The following KMT2E variants were observed in gnomAD, a reference collection of about 807,000 sequenced individuals.
The protein encoded by KMT2E is lysine methyltransferase 2E (inactive).
Under a neutral mutation model 184.6 loss-of-function variants are expected in KMT2E, and 30 were observed. The observed-to-expected ratio is 0.16, with a 90% CI of 0.12 to 0.22. KMT2E has a LOEUF of 0.22. Among genes scored for constraint, KMT2E ranks in the 10% least tolerant of loss-of-function variants. The pLI is 1.00. For missense variants in KMT2E, 2,023 were observed against 2,237.4 expected (o/e 0.90, Z 1.93); for synonymous variants, 815 against 776.5 (o/e 1.05, Z -0.82).
At chr7:105,023,101 T>C (rs1011879214) in intron 1 of KMT2E, among the ~76,000 whole-genome samples, 1 of 152,130 alleles carries the variant, frequency 6.6e-6, no homozygotes, top group Non-Finnish European at 1.5e-5. Flanking sequence ...TATTGCTAAA[T>C]GAGTCTTGAG....
chr7:105,065,782 A>G (rs947343570), intron 5 of KMT2E, among the ~76,000 whole-genome samples: 1 of 152,068 alleles, frequency 6.6e-6, no homozygotes, highest in Non-Finnish European at 1.5e-5. Context: ...AAAGCAAACC[A>G]TGGATAAGGG....
In KMT2E at chr7:105,106,343, G is replaced by C. The variant is rs573771771; in HGVS notation, c.2597-179G>C. 2.6e-4 allele frequency among the ~76,000 whole-genome samples: 40 copies of C among 152,206 alleles called. No individual in the cohort carries two copies. In the South Asian group the frequency reaches 3.5e-3, roughly 13 times the overall value. On this transcript the variant is annotated intron_variant, in intron 19 of 26. Transcript: ENST00000311117. ...AGGCAAGGTAATGCTTGCTAATTGG[G>C]GAGGGAAAGGGGGCACTGCTTCATG...
At chr7:105,017,416 G>A (rs535713167) in intron 1 of KMT2E, among the ~76,000 whole-genome samples, 3 of 144,212 alleles carry the variant, frequency 2.1e-5, no homozygotes, top group African/African-American at 5.1e-5. Flanking sequence ...GGTGGTGGGT[G>A]GTTTTTTTTT....
intron 6 of KMT2E, among the ~76,000 whole-genome samples, chr7:105,071,714 C>T (rs1196304837): frequency 6.8e-6 from 1 of 146,342 alleles, no homozygotes; most frequent in Non-Finnish European, 1.5e-5. Flanking sequence ...GCCTCGGCCT[C>T]CCAGAGTGCT....
Position 105,110,352 on chromosome 7 carries a change from AAAAGAT to A in KMT2E, c.3836_3841del (p.Lys1279_Asp1280del). ...GAGCTTTACTTCTCAGTGATCACCGAAAAGATAAAGATAGTGGTAAGTGAGCTTGTT... is the reference window on the plus strand; with the variant it reads ...GAGCTTTACTTCTCAGTGATCACCGAAAAGATAGTGGTAAGTGAGCTTGTT... On this transcript the variant is annotated inframe_deletion, in exon 24 of 27. Transcript: ENST00000311117. 6.2e-7 allele frequency: 1 copy of A among 1,614,144 alleles called. No individual in the cohort carries two copies. Among genetic ancestry groups the A allele is most frequent in the Non-Finnish European group, 8.5e-7 (1 of 1,179,986 alleles).
In KMT2E at chr7:105,029,136, C is replaced by T. The variant is rs183599211; in HGVS notation, c.-188-8990C>T. On this transcript the variant is annotated intron_variant, in intron 1 of 26. Coordinates refer to ENST00000311117, the MANE Select transcript of KMT2E (RefSeq NM_182931.3). ...AAAATTAGCCAGTTGTGGTGGTGCA[C>T]GCCTGTAATCTAGCTACGTGGGAGG... is the stretch of plus-strand genomic sequence containing the variant. Among the ~76,000 whole-genome samples the T allele has an allele frequency of 1.2e-4, 18 of 151,954 alleles. No individual in the cohort carries two copies. The East Asian group carries it at 2.9e-3, about 25-fold the overall frequency.
intron 15 of KMT2E, 190 bp downstream of exon 15, chr7:105,091,504 A>G (rs1325576876): frequency 8.1e-6 from 5 of 614,448 alleles, no homozygotes; most frequent in South Asian, 6.2e-5. Flanking sequence ...TTGGTTGTTC[A>G]TTAGAGATTT....
At position 105,107,615 on chromosome 7, in the gene KMT2E, T is replaced by G; in HGVS notation, c.3158T>G (p.Leu1053Arg). 1.2e-6 allele frequency: 2 copies of G among 1,614,216 alleles called. No individual in the cohort carries two copies. Among genetic ancestry groups the G allele is most frequent in the Non-Finnish European group, 1.7e-6 (2 of 1,180,028 alleles). Residue 1053 changes from leucine (L) to arginine (R), a missense_variant, in exon 22 of 27, where the codon CTG (leucine) becomes CGG (arginine). This residue lies in a region of KMT2E where 1,108 missense variants were observed against 1,050.9 expected (regional missense o/e 1.05). Transcript: ENST00000311117. ...GACAGGGCTGAGCCCAACAGCCAAC[T>G]GGACTCGACTCACTCTGGACGGGGC... Reference protein sequence around the residue: ...AHDRAEPNSQLDSTHSGRGTM... With the variant: ...AHDRAEPNSQRDSTHSGRGTM...
intron 3 of KMT2E, among the ~76,000 whole-genome samples, chr7:105,044,079 C>T (rs1325766862): frequency 6.6e-6 from 1 of 152,160 alleles, no homozygotes; most frequent in Non-Finnish European, 1.5e-5. Flanking sequence ...GCCTGGGTGA[C>T]AGAGCAAGAC....
chr7:105,082,818 A>G (rs1797811191), intron 13 of KMT2E, among the ~76,000 whole-genome samples: 1 of 152,218 alleles, frequency 6.6e-6, no homozygotes, highest in African/African-American at 2.4e-5. Flanking sequence ...AGTCCATATC[A>G]TAAAAAAGTA....
rs755032397 is a variant in KMT2E, at chr7:105,105,511, C to T, written c.2269C>T (p.Pro757Ser). 3.7e-6 allele frequency: 6 copies of T among 1,613,558 alleles called. No individual in the cohort carries two copies. Among genetic ancestry groups the T allele is most frequent in the Non-Finnish European group, 4.2e-6 (5 of 1,179,758 alleles). Residue 757 changes from proline (P) to serine (S), a missense_variant, in exon 18 of 27, where the codon CCT (proline) becomes TCT (serine). This residue lies in a region of KMT2E where 514 missense variants were observed against 621.8 expected (regional missense o/e 0.83). Transcript: ENST00000311117. ...ACCTTCAGATGGCCTTTCAGAAAGG[C>T]CTCTACGCATAACTACAGATCCTGA... is the stretch of plus-strand genomic sequence containing the variant. ...GKPSDGLSER[P>S]LRITTDPEVL...
intron 15 of KMT2E, among the ~76,000 whole-genome samples, chr7:105,097,679 T>C (rs2237605): frequency 0.27 from 41,782 of 152,102 alleles, 8,510 homozygotes; most frequent in East Asian, 0.58. Context: ...TGAGCCACTG[T>C]GCCCAGCCAC....
intron 15 of KMT2E, 121 bp downstream of exon 15, chr7:105,091,435 C>T (rs2129568932): frequency 1.4e-6 from 1 of 703,448 alleles, no homozygotes; most frequent in South Asian, 1.6e-5. Context: ...TGCCATTGAG[C>T]ATTTTTATTT....
intron 6 of KMT2E, among the ~76,000 whole-genome samples, chr7:105,072,338 A>G (rs1023029064): frequency 6.6e-6 from 1 of 152,164 alleles, no homozygotes; most frequent in Non-Finnish European, 1.5e-5. Context: ...AAAACAAAAC[A>G]AAAAACAAAA....
chr7:105,085,004 A>G (rs930969090), intron 13 of KMT2E, among the ~76,000 whole-genome samples: 1 of 151,848 alleles, frequency 6.6e-6, no homozygotes, highest in Non-Finnish European at 1.5e-5. Flanking sequence ...AGAATAGACT[A>G]CTATCTACAT....
chr7:105,067,183 C>T (rs1797066871), intron 6 of KMT2E, among the ~76,000 whole-genome samples: 1 of 148,394 alleles, frequency 6.7e-6, no homozygotes, highest in African/African-American at 2.5e-5. Flanking sequence ...TTTTTGTATT[C>T]TGACAACTCT....
At position 105,112,759 on chromosome 7, in the gene KMT2E, T is replaced by C. The variant is rs1356471908; in HGVS notation, c.5003T>C (p.Ile1668Thr). ...PVHAVTPGSH[I>T]HSQTAGHHLP... ...CATGCGGTCACCCCTGGGTCGCATA[T>C]TCATTCTCAAACTGCTGGACACCAC... The change falls in exon 27 of 27, where the codon ATT (isoleucine) becomes ACT (threonine). Residue 1668 changes from isoleucine to threonine, a missense_variant. Physicochemically the swap from Ile to Thr is moderately conservative, Grantham distance 89. Coordinates refer to ENST00000311117, the MANE Select transcript of KMT2E (RefSeq NM_182931.3). The C allele has an allele frequency of 3.1e-6, 5 of 1,613,036 alleles. No homozygotes were observed.
In KMT2E at chr7:105,112,066, C is replaced by A. The variant is rs774810109; in HGVS notation, c.4310C>A (p.Thr1437Lys). 1 of 1,614,210 alleles carries A rather than the reference C, an allele frequency of 6.2e-7. No homozygotes were observed. The highest frequency in any genetic ancestry group is 8.5e-7 in the Non-Finnish European group (1 of 1,180,028). Residue 1437 changes from threonine (T) to lysine (K), a missense_variant, in exon 27 of 27, where the codon ACA becomes AAA. This residue lies in a region of KMT2E where 1,108 missense variants were observed against 1,050.9 expected (regional missense o/e 1.05). Transcript: ENST00000311117. ...QLSQKLPSVP[T>K]KLHCPPSPHL... is the part of the protein sequence containing the mutation. ...TCACAAAAGCTGCCTTCTGTGCCAA[C>A]AAAGTTGCACTGTCCTCCATCACCT...
rs66734303 is a variant in KMT2E at position 105,079,511 on chromosome 7, C to CTTTTTTTTTTT, written c.1248+568_1248+578dup. Reference sequence around the variant, plus strand: ...CTTATAAGAGGAAATATTGGACTTCCTTTTTTTTTTTTTTTTTTTTTTTTT... The same window carrying CTTTTTTTTTTT: ...CTTATAAGAGGAAATATTGGACTTCCTTTTTTTTTTTTTTTTTTTTTTTTTTTTTTTTTTTT... On this transcript the variant is annotated intron_variant, in intron 12 of 26. Coordinates refer to ENST00000311117, the MANE Select transcript of KMT2E (RefSeq NM_182931.3). Among the ~76,000 whole-genome samples the CTTTTTTTTTTT allele has an allele frequency of 5.0e-4, 31 of 62,336 alleles. 5 individuals carry two copies. Among genetic ancestry groups the CTTTTTTTTTTT allele is most frequent in the East Asian group, 1.5e-3 (2 of 1,312 alleles). The allele number at this position is 62,336 out of a possible 152,430, so 40.9% of individuals were successfully genotyped here.
Sources: gnomAD v4.1 joint callset for allele counts (sites outside exome capture counted in the v4.1 genomes callset) on GRCh38, gnomAD v4.1.1 for gene constraint, gnomAD v4.1.1 regional missense constraint, MANE v1.5 for transcripts, NCBI Gene and HGNC (gene_info 2026-07-23, HGNC 2026-07-21) for gene names.